The following ANKEF1 variants were observed in gnomAD, a reference collection of about 807,000 sequenced individuals.
ANKEF1 encodes the protein ankyrin repeat and EF-hand domain-containing protein 1.
In ANKEF1, 43 loss-of-function variants were observed where a neutral mutation model predicts 65.1. The observed-to-expected ratio is 0.66, with a 90% confidence interval of 0.52 to 0.85. The LOEUF (loss-of-function observed/expected upper bound fraction) is 0.85, where lower values mean the gene tolerates loss of function less well. Among genes scored for constraint, ANKEF1 ranks in the 40% least tolerant of loss-of-function variants. ANKEF1 has a pLI of 0.00. For missense variants in ANKEF1, 934 were observed against 952.9 expected (o/e 0.98, Z 0.26); for synonymous variants, 316 against 341.5 (o/e 0.93, Z 0.82).
At chr20:10,054,628 A>G in intron 10 of ANKEF1, 29 bp downstream of exon 10, 3 of 1,590,714 alleles carry the variant, frequency 1.9e-6, no homozygotes, top group Non-Finnish European at 2.6e-6. Context: ...TCTTCATAGC[A>G]TGGTAGAAGC....
chr20:10,050,217 G>A lies in ANKEF1; in HGVS notation c.1643+5G>A, dbSNP rs750117443. ...CAAGTTTCTTCTTGAAAAAGGGTAC[G>A]CGTCTCCGTCGGGTGTGGCCTAAAT... On this transcript the variant is annotated splice_donor_5th_base_variant and intron_variant, in intron 7 of 10. Transcript: ENST00000378392. 1 of 1,594,582 alleles carries A rather than the reference G, an allele frequency of 6.3e-7. No homozygotes were observed. Among genetic ancestry groups the A allele is most frequent in the East Asian group, 2.2e-5 (1 of 44,624 alleles).
chr20:10,043,211 A>G lies in ANKEF1; in HGVS notation c.436A>G (p.Thr146Ala). The part of the protein sequence containing the change: ...LEHGADVNNS[T>A]YEGKPIFLRA... ...ACATGGTGCAGATGTCAACAATTCT[A>G]CCTATGAAGGAAAGCCAATATTCCT... Residue 146 changes from threonine (T) to alanine (A), a missense_variant, in exon 4 of 11, where the codon ACC (threonine) becomes GCC (alanine). Transcript: ENST00000378392. The G allele has an allele frequency of 6.2e-7, 1 of 1,614,094 alleles. No individual in the cohort carries two copies. Among genetic ancestry groups the G allele is most frequent in the Non-Finnish European group, 8.5e-7 (1 of 1,180,006 alleles).
At chr20:10,049,136 T>A (rs540985162) in intron 6 of ANKEF1, among the ~76,000 whole-genome samples, 24 of 152,296 alleles carry the variant, frequency 1.6e-4, no homozygotes, top group South Asian at 1.2e-3. Flanking sequence ...TCTCTAGGGA[T>A]AAATGTTCTA....
Position 10,054,577 on chromosome 20 carries a change from A to G in ANKEF1, c.2150A>G (p.Asp717Gly). 7 of 1,608,692 alleles carry G rather than the reference A, an allele frequency of 4.4e-6. No homozygotes were observed. The highest frequency in any genetic ancestry group is 5.9e-6 in the Non-Finnish European group (7 of 1,178,106). The change falls in exon 10 of 11, where the codon GAT (aspartate) becomes GGT (glycine). Residue 717 changes from aspartate (D) to glycine (G), a missense_variant. Coordinates refer to ENST00000378392, the MANE Select transcript of ANKEF1 (RefSeq NM_022096.6). ...LITSGYTKKV[D>G]ITFIPRRIWS... ...ACCAGTGGTTATACTAAGAAAGTGG[A>G]TATCACATTTATTCCACGGAGGGTA...
At chr20:10,055,055 G>C (rs1418727667) in intron 10 of ANKEF1, among the ~76,000 whole-genome samples, 6 of 152,166 alleles carry the variant, frequency 3.9e-5, no homozygotes, top group Non-Finnish European at 2.9e-5. Flanking sequence ...GGAGAAAAGA[G>C]TTGTCTTTCC....
intron 4 of ANKEF1, 65 bp from the exon 5 acceptor site, chr20:10,044,329 A>G (rs1374040427): frequency 6.4e-7 from 1 of 1,551,186 alleles, no homozygotes; most frequent in East Asian, 2.3e-5. Context: ...CTGTATTTGT[A>G]CTGATTCTGC....
intron 7 of ANKEF1, among the ~76,000 whole-genome samples, chr20:10,051,109 T>G (rs539383152): frequency 6.6e-6 from 1 of 152,230 alleles, no homozygotes; most frequent in East Asian, 1.9e-4. Flanking sequence ...TAGTTGAAGA[T>G]TAGATGAGTT....
intron 3 of ANKEF1, among the ~76,000 whole-genome samples, chr20:10,040,466 T>C (rs1285871297): frequency 6.6e-6 from 1 of 152,228 alleles, no homozygotes; most frequent in Non-Finnish European, 1.5e-5. Flanking sequence ...TGGAACAGTT[T>C]TACAGAATAT....
chr20:10,035,229 TGAGCGTCAGA>T lies in ANKEF1; in HGVS notation c.-211_-202del, dbSNP rs1983766238. ...CCCAAGGTCGCGGCTGGGCCAGCGC[TGAGCGTCAGA>T]GGACGAGAGCAGGGGCCTCCCCGGT... On this transcript the variant is annotated 5_prime_UTR_variant, in exon 1 of 11. It removes the in-frame stop codon of an upstream open reading frame in the 5' UTR. Coordinates refer to ENST00000378392, the MANE Select transcript of ANKEF1 (RefSeq NM_022096.6). 1 of 152,394 alleles carries T rather than the reference TGAGCGTCAGA, an allele frequency of 6.6e-6. No homozygotes were observed. The highest frequency in any genetic ancestry group is 2.1e-4 in the South Asian group (1 of 4,842). The allele number at this position is 152,394 out of a possible 1,614,324, so 9.4% of individuals were successfully genotyped here.
At chr20:10,036,961 G>C (rs955450620) in intron 2 of ANKEF1, among the ~76,000 whole-genome samples, 3 of 152,138 alleles carry the variant, frequency 2.0e-5, no homozygotes, top group Non-Finnish European at 4.4e-5. Flanking sequence ...AGTCAGCAAA[G>C]GAGCCTGAGC....
At chr20:10,043,507 A>C (rs993004060) in intron 4 of ANKEF1, among the ~76,000 whole-genome samples, 186 bp downstream of exon 4, 11 of 152,122 alleles carry the variant, frequency 7.2e-5, no homozygotes, top group African/African-American at 2.4e-4. Flanking sequence ...TTTCCTAATT[A>C]TGTTTGGAAA....
chr20:10,044,189 A>T (rs1365596277), intron 4 of ANKEF1, among the ~76,000 whole-genome samples: 1 of 152,092 alleles, frequency 6.6e-6, no homozygotes, highest in Non-Finnish European at 1.5e-5. Flanking sequence ...CTTGACTCTG[A>T]TTTTAGAATT....
chr20:10,043,300 C>CA lies in ANKEF1; in HGVS notation c.527dup (p.Asn176LysfsTer3). ...GCCTGACATTTTTGGAAAAAGGAGCCAATCCTAATGCAATCAACTCAGTAT... is the reference window on the plus strand; with the variant it reads ...GCCTGACATTTTTGGAAAAAGGAGCCAAATCCTAATGCAATCAACTCAGTAT... On this transcript the variant is annotated frameshift_variant, in exon 4 of 11. Transcript: ENST00000378392. LOFTEE classifies it high-confidence loss of function. 6.2e-7 allele frequency: 1 copy of CA among 1,613,950 alleles called. No individual in the cohort carries two copies.
intron 6 of ANKEF1, 110 bp downstream of exon 6, chr20:10,045,807 C>T: frequency 9.6e-7 from 1 of 1,040,790 alleles, no homozygotes; most frequent in Non-Finnish European, 1.4e-6. Context: ...TTTTCTATAG[C>T]AAAACCTCAC....
intron 3 of ANKEF1, among the ~76,000 whole-genome samples, chr20:10,042,548 T>TG (rs1265593040): frequency 1.3e-5 from 2 of 152,216 alleles, no homozygotes; most frequent in Admixed American, 6.5e-5. Flanking sequence ...TTACAGGTCC[T>TG]GGGTGTAGGG....
At chr20:10,055,209 C>T (rs113754759) in intron 10 of ANKEF1, among the ~76,000 whole-genome samples, 39 of 152,274 alleles carry the variant, frequency 2.6e-4, no homozygotes, top group African/African-American at 6.7e-4. Flanking sequence ...TCCTAAAAAA[C>T]GCACAGCAGC....
Position 10,045,636 on chromosome 20 carries a change from A to G in ANKEF1, c.759A>G (p.Thr253=), listed in dbSNP as rs1455566418. The part of the protein sequence containing the change: ...DVGLISINGN[T]PLHYAAMGGF... ...GGCTGATTTCGATAAATGGGAACAC[A>G]CCACTTCATTATGCTGCCATGGGTG... is the stretch of plus-strand genomic sequence containing the variant. The change falls in exon 6 of 11, where the codon ACA becomes ACG. Residue 253 remains threonine (T), a synonymous_variant. Transcript: ENST00000378392. 6.2e-7 allele frequency: 1 copy of G among 1,613,892 alleles called. No individual in the cohort carries two copies. Among genetic ancestry groups the G allele is most frequent in the South Asian group, 1.1e-5 (1 of 91,082 alleles).
chr20:10,055,589 G>C lies in ANKEF1; in HGVS notation c.2260G>C (p.Asp754His), dbSNP rs765657099. The change falls in exon 11 of 11, where the codon GAT becomes CAT. Residue 754 changes from aspartate (D) to histidine (H), a missense_variant. Transcript: ENST00000378392. ...GTTTACACATGAGGTGGACTTCGAC[G>C]ATTTTATGATGCCTTTTCAGAAGAA... Reference protein sequence around the residue: ...ERFTHEVDFDDFMMPFQKNIT... With the variant: ...ERFTHEVDFDHFMMPFQKNIT... 1 of 1,613,836 alleles carries C rather than the reference G, an allele frequency of 6.2e-7. No individual in the cohort carries two copies. The highest frequency in any genetic ancestry group is 8.5e-7 in the Non-Finnish European group (1 of 1,179,814).
intron 3 of ANKEF1, among the ~76,000 whole-genome samples, chr20:10,041,172 A>T (rs1285079402): frequency 6.6e-6 from 1 of 151,912 alleles, no homozygotes; most frequent in Admixed American, 6.6e-5. Flanking sequence ...TATAAAATAC[A>T]TGTGAAAGTA....
Sources: gnomAD v4.1 joint callset for allele counts (sites outside exome capture counted in the v4.1 genomes callset) on GRCh38, gnomAD v4.1.1 for gene constraint, MANE v1.5 for transcripts, NCBI Gene and HGNC (gene_info 2026-07-23, HGNC 2026-07-21) for gene names.